The following GSG1 variants were observed in gnomAD, a reference collection of about 807,000 sequenced individuals.
GSG1 encodes germ cell associated 1.
A neutral mutation model predicts 30.8 loss-of-function variants in GSG1; 28 were observed. That is an observed-to-expected ratio of 0.91 (90% CI 0.67 to 1.25). GSG1 has a LOEUF of 1.25. Ranked by LOEUF, GSG1 falls within the 50% of genes most tolerant of loss-of-function variation. The pLI, the probability that GSG1 is intolerant of heterozygous loss-of-function variation, is 0.00. For missense variants in GSG1, 435 were observed against 444.7 expected (o/e 0.98, Z 0.20); for synonymous variants, 162 against 178.0 (o/e 0.91, Z 0.71).
intron 1 of GSG1, among the ~76,000 whole-genome samples, chr12:13,099,759 T>TTTTTTTTTTTTTTTG (rs1863045802): frequency 6.9e-6 from 1 of 144,704 alleles, no homozygotes; most frequent in Non-Finnish European, 1.5e-5. Context: ...TGTTTTTTTT[T>TTTTTTTTTTTTTTTG]TTTTTTTTTG....
chr12:13,100,132 TATGA>T (rs35956952), intron 1 of GSG1, among the ~76,000 whole-genome samples: 66,341 of 151,186 alleles, frequency 0.44, 15,164 homozygotes, highest in African/African-American at 0.57. Flanking sequence ...TTTTAACATC[TATGA>T]ATGAATGAAT....
At chr12:13,091,035 A>G (rs1866079287) in intron 1 of GSG1, among the ~76,000 whole-genome samples, 1 of 152,094 alleles carries the variant, frequency 6.6e-6, no homozygotes, top group Non-Finnish European at 1.5e-5. Flanking sequence ...GGCGTAAGAA[A>G]ACCATACGCC....
chr12:13,090,390 C>T, intron 2 of GSG1, 113 bp downstream of exon 2: 1 of 947,824 alleles, frequency 1.1e-6, no homozygotes, highest in South Asian at 1.7e-5. Context: ...GTGGGCAGTG[C>T]TGCACTTCCA....
chr12:13,090,199 G>T (rs1407426877), intron 2 of GSG1, among the ~76,000 whole-genome samples: 1 of 152,214 alleles, frequency 6.6e-6, no homozygotes, highest in Non-Finnish European at 1.5e-5. Context: ...AGGTCTAAAT[G>T]AAACTTTTAA....
intron 1 of GSG1, among the ~76,000 whole-genome samples, chr12:13,099,758 T>TTTTTTG (rs1565551252): frequency 3.0e-5 from 4 of 133,856 alleles, no homozygotes; most frequent in African/African-American, 1.2e-4. Context: ...TTGTTTTTTT[T>TTTTTTG]TTTTTTTTTT....
chr12:13,099,759 T>TTTTTGTTG (rs1863044497), intron 1 of GSG1, among the ~76,000 whole-genome samples: 1 of 144,706 alleles, frequency 6.9e-6, no homozygotes, highest in Non-Finnish European at 1.5e-5. Context: ...TGTTTTTTTT[T>TTTTTGTTG]TTTTTTTTTG....
intron 1 of GSG1, 47 bp downstream of exon 1, chr12:13,103,418 G>T: frequency 3.0e-6 from 4 of 1,348,508 alleles, no homozygotes; most frequent in Non-Finnish European, 4.3e-6. Context: ...CAGCAGTAAA[G>T]ATATGTGTAT....
In GSG1 at chr12:13,089,240, G is replaced by A. The variant is rs1203572005; in HGVS notation, c.401C>T (p.Ala134Val). ...LHPQSWKQFRALRSSGTAAAK... is the reference protein window; with the variant it reads ...LHPQSWKQFRVLRSSGTAAAK... ...TGCCGCTGTACCACTGGACCGAAGGGCTCTAAATTGTTTCCAGGACTGGGG... is the reference window on the plus strand; with the variant it reads ...TGCCGCTGTACCACTGGACCGAAGGACTCTAAATTGTTTCCAGGACTGGGG... The change falls in exon 3 of 7, where the codon GCC becomes GTC. Residue 134 changes from alanine (A) to valine (V), a missense_variant. Coordinates refer to ENST00000651961, the MANE Select transcript of GSG1 (RefSeq NM_001080555.4). The A allele has an allele frequency of 1.3e-6, 2 of 1,558,660 alleles. No individual in the cohort carries two copies. The highest frequency in any genetic ancestry group is 1.9e-5 in the Admixed American group (1 of 51,866).
At chr12:13,088,787 A>G in intron 4 of GSG1, 75 bp downstream of exon 4, 1 of 1,614,078 alleles carries the variant, frequency 6.2e-7, no homozygotes, top group Admixed American at 1.7e-5. Flanking sequence ...TTCTCCATCA[A>G]CCGCTTCCCT....
At position 13,101,487 on chromosome 12, in the gene GSG1, C is replaced by T. The variant is rs968415636; in HGVS notation, c.48+1978G>A. 2.0e-5 allele frequency among the ~76,000 whole-genome samples: 3 copies of T among 152,206 alleles called. No homozygotes were observed. The highest frequency in any genetic ancestry group is 7.2e-5 in the African/African-American group (3 of 41,460). On this transcript the variant is annotated intron_variant, in intron 1 of 6. Coordinates refer to ENST00000651961, the MANE Select transcript of GSG1 (RefSeq NM_001080555.4). The surrounding 1 kb of genome is among the most constrained non-coding windows in gnomAD (Gnocchi z 5.8). ...TTGAGAACGGTGTCCCGGGGGCCCT[C>T]CCAGAGAGCAGGGACTGCCAGGGCA...
chr12:13,094,386 T>C (rs559631728), intron 1 of GSG1, among the ~76,000 whole-genome samples: 2 of 152,368 alleles, frequency 1.3e-5, no homozygotes, highest in Middle Eastern at 3.4e-3. Flanking sequence ...ATTTTACTTT[T>C]AAAGGCACTC....
chr12:13,095,170 C>T (rs1411379957), intron 1 of GSG1, among the ~76,000 whole-genome samples: 1 of 152,142 alleles, frequency 6.6e-6, no homozygotes, highest in Non-Finnish European at 1.5e-5. Flanking sequence ...AGTACCATGC[C>T]CTTTGTCACA....
At chr12:13,100,600 G>A (rs1365220060) in intron 1 of GSG1, among the ~76,000 whole-genome samples, 1 of 152,206 alleles carries the variant, frequency 6.6e-6, no homozygotes, top group African/African-American at 2.4e-5. Context: ...TTTGGATAAT[G>A]TATCTCCAAA....
intron 2 of GSG1, among the ~76,000 whole-genome samples, chr12:13,090,132 G>A (rs1022320301): frequency 1.7e-4 from 26 of 152,152 alleles, no homozygotes; most frequent in African/African-American, 5.5e-4. Context: ...CTCTCCCTTC[G>A]TTTTGTTTCT....
chr12:13,102,474 T>C (rs1202392916), intron 1 of GSG1, among the ~76,000 whole-genome samples: 2 of 152,252 alleles, frequency 1.3e-5, no homozygotes, highest in Non-Finnish European at 2.9e-5. Flanking sequence ...CATGTTCACA[T>C]CCACTTCTTT....
rs1273796463 is a variant in GSG1, at chr12:13,090,782, G to C, written c.85C>G (p.Leu29Val). Residue 29 changes from leucine to valine, a missense_variant, in exon 2 of 7, where the codon CTC (leucine) becomes GTC (valine). Coordinates refer to ENST00000651961, the MANE Select transcript of GSG1 (RefSeq NM_001080555.4). ...AGCATGCTGAGGATGGCAGATAGGA[G>C]TGTCCGCTGGCCAGAGAAGGCCTTC... is the stretch of plus-strand genomic sequence containing the variant. ...LSKAFSGQRT[L>V]LSAILSMLSL... 1 of 1,614,000 alleles carries C rather than the reference G, an allele frequency of 6.2e-7. No individual in the cohort carries two copies. Among genetic ancestry groups the C allele is most frequent in the South Asian group, 1.1e-5 (1 of 91,062 alleles).
At chr12:13,098,377 G>C (rs1478263663) in intron 1 of GSG1, among the ~76,000 whole-genome samples, 1 of 148,522 alleles carries the variant, frequency 6.7e-6, no homozygotes, top group African/African-American at 2.5e-5. Flanking sequence ...TCAGCTCTAT[G>C]GAATTCAGGG....
Position 13,103,622 on chromosome 12 carries a change from C to T in GSG1, c.-110G>A, listed in dbSNP as rs1260999894. 4 of 1,151,842 alleles carry T rather than the reference C, an allele frequency of 3.5e-6. No individual in the cohort carries two copies. Among genetic ancestry groups the T allele is most frequent in the Non-Finnish European group, 5.2e-6 (4 of 770,536 alleles). The allele number at this position is 1,151,842 out of a possible 1,614,324, so 71.4% of individuals were successfully genotyped here. On this transcript the variant is annotated 5_prime_UTR_variant, in exon 1 of 7. Coordinates refer to ENST00000651961, the MANE Select transcript of GSG1 (RefSeq NM_001080555.4). ...GAGGATGAATCAGGTCCCCTCTTGC[C>T]AGCAGAGGGGTAAGGTGGTGTGTGG...
intron 1 of GSG1, among the ~76,000 whole-genome samples, chr12:13,100,234 G>T (rs77730055): frequency 0.016 from 2,433 of 152,328 alleles, 77 homozygotes; most frequent in African/African-American, 0.055. Context: ...GAATAAAGAA[G>T]TGTGTCCAAA....
Sources: allele counts gnomAD v4.1 joint callset (sites outside exome capture counted in the v4.1 genomes callset), GRCh38; gene constraint gnomAD v4.1.1; non-coding constraint Gnocchi (gnomAD v3.1); transcripts MANE v1.5; gene names NCBI Gene and HGNC (gene_info 2026-07-23, HGNC 2026-07-21).